GABRA4: variants seen among roughly 807,000 people sequenced by gnomAD.
GABRA4 encodes the protein gamma-aminobutyric acid type A receptor subunit alpha4.
Under a neutral mutation model 49.7 loss-of-function variants are expected in GABRA4, and 12 were observed. The ratio of observed to expected loss-of-function variants is 0.24; its 90% CI spans 0.15 to 0.39. GABRA4 has a LOEUF of 0.39. GABRA4 is among the 10% of genes least tolerant of loss of function. GABRA4 has a pLI of 1.00. For missense variants in GABRA4, 506 were observed against 686.0 expected (o/e 0.74, Z 2.93); for synonymous variants, 288 against 240.2 (o/e 1.20, Z -1.84).
intron 8 of GABRA4, among the ~76,000 whole-genome samples, chr4:46,960,812 A>G (rs1722547658): frequency 6.6e-6 from 1 of 151,786 alleles, no homozygotes; most frequent in African/African-American, 2.4e-5. Flanking sequence ...AAACTCAAGG[A>G]GCTAGAAAAG....
At chr4:46,973,920 G>C (rs1336086151) in intron 6 of GABRA4, among the ~76,000 whole-genome samples, 2 of 151,638 alleles carry the variant, frequency 1.3e-5, no homozygotes, top group Non-Finnish European at 3.0e-5. Flanking sequence ...ACAAAGCAAA[G>C]ACAAAAAACA....
intron 2 of GABRA4, among the ~76,000 whole-genome samples, chr4:46,991,122 G>T (rs926952335): frequency 6.6e-6 from 1 of 152,114 alleles, no homozygotes; most frequent in African/African-American, 2.4e-5. Flanking sequence ...GGAGCCAGGG[G>T]TTGCAGTGAG....
At chr4:46,940,568 T>C (rs1477144695) in intron 8 of GABRA4, among the ~76,000 whole-genome samples, 2 of 152,100 alleles carry the variant, frequency 1.3e-5, no homozygotes, top group Non-Finnish European at 2.9e-5. Flanking sequence ...CCAATGGAAG[T>C]AGTCAATTGG....
intron 8 of GABRA4, among the ~76,000 whole-genome samples, chr4:46,938,544 A>C (rs544223082): frequency 3.3e-5 from 5 of 152,120 alleles, no homozygotes; most frequent in Non-Finnish European, 7.4e-5. Context: ...AATCATAGCT[A>C]TGCAAGGTGA....
chr4:46,980,835 T>C (rs1723332429), intron 2 of GABRA4, among the ~76,000 whole-genome samples: 1 of 152,102 alleles, frequency 6.6e-6, no homozygotes, highest in Non-Finnish European at 1.5e-5. Flanking sequence ...AACAAATCAC[T>C]GTGTTAGTTT....
intron 3 of GABRA4, among the ~76,000 whole-genome samples, chr4:46,978,073 A>T (rs948967216): frequency 3.3e-5 from 5 of 152,094 alleles, no homozygotes; most frequent in Non-Finnish European, 5.9e-5. Flanking sequence ...AAAGTTTATT[A>T]AAATGAGTCA....
chr4:46,956,394 T>C (rs1368575821), intron 8 of GABRA4, among the ~76,000 whole-genome samples: 1 of 152,068 alleles, frequency 6.6e-6, no homozygotes, highest in Non-Finnish European at 1.5e-5. Context: ...AGAACAGCAT[T>C]TTTAAGAGGA....
intron 2 of GABRA4, among the ~76,000 whole-genome samples, chr4:46,983,980 C>CA (rs1425319270): frequency 3.3e-5 from 5 of 151,982 alleles, no homozygotes; most frequent in Non-Finnish European, 5.9e-5. Context: ...GAAATATTCC[C>CA]ATCTAATTAA....
chr4:46,975,302 T>G (rs1294627891), intron 5 of GABRA4, among the ~76,000 whole-genome samples: 2 of 152,020 alleles, frequency 1.3e-5, no homozygotes, highest in African/African-American at 2.4e-5. Flanking sequence ...ACTATGAGGC[T>G]TGTGTTGTCA....
intron 8 of GABRA4, among the ~76,000 whole-genome samples, chr4:46,936,645 C>T (rs373689124): frequency 6.6e-6 from 1 of 152,144 alleles, no homozygotes; most frequent in African/African-American, 2.4e-5. Context: ...GCATTGCAAT[C>T]CCAACCTACA....
chr4:46,928,248 C>T lies in GABRA4; in HGVS notation c.1642G>A (p.Glu548Lys). The T allele has an allele frequency of 6.2e-7, 1 of 1,610,770 alleles. No homozygotes were observed. Among genetic ancestry groups the T allele is most frequent in the East Asian group, 2.2e-5 (1 of 44,842 alleles). Residue 548 changes from glutamate (E) to lysine (K), a missense_variant, in exon 9 of 9, where the codon GAG (glutamate) becomes AAG (lysine). Glu to Lys is a moderately conservative substitution (Grantham distance 56, BLOSUM62 1). This residue lies in a region of GABRA4 where 29 missense variants were observed against 25.1 expected (regional missense o/e 1.16). Coordinates refer to ENST00000264318, the MANE Select transcript of GABRA4 (RefSeq NM_000809.4). ...WVVYLSKDTMEKSESLM is the reference protein window; with the variant it reads ...WVVYLSKDTMKKSESLM Reference sequence around the variant, plus strand: ...AATTACATTAGACTTTCTGATTTCTCCATAGTGTCCTTAGATAAATAAACA... The same window carrying T: ...AATTACATTAGACTTTCTGATTTCTTCATAGTGTCCTTAGATAAATAAACA...
intron 8 of GABRA4, 94 bp downstream of exon 8, chr4:46,964,876 A>G (rs1054435491): frequency 4.6e-6 from 6 of 1,305,328 alleles, no homozygotes; most frequent in African/African-American, 1.5e-5. Context: ...ACAAGTTGAT[A>G]TCAGGATTTT....
chr4:46,956,143 A>T (rs1345815204), intron 8 of GABRA4, among the ~76,000 whole-genome samples: 1 of 152,136 alleles, frequency 6.6e-6, no homozygotes, highest in Non-Finnish European at 1.5e-5. Flanking sequence ...TTGCCTAAAG[A>T]GCATTACTAA....
intron 7 of GABRA4, among the ~76,000 whole-genome samples, chr4:46,967,939 A>G (rs1053417858): frequency 6.6e-6 from 1 of 151,650 alleles, no homozygotes; most frequent in African/African-American, 2.4e-5. Flanking sequence ...GTTTTACTAT[A>G]CTGGAATAAT....
chr4:46,965,293 A>G lies in GABRA4; in HGVS notation c.875-64T>C, dbSNP rs543612055. Reference sequence around the variant, plus strand: ...ATCATTTGTATTAAAAAGCACCGCCACCACCAACAAAAACCTAGAAAATCA... The same window carrying G: ...ATCATTTGTATTAAAAAGCACCGCCGCCACCAACAAAAACCTAGAAAATCA... On this transcript the variant is annotated intron_variant, in intron 7 of 8. Coordinates refer to ENST00000264318, the MANE Select transcript of GABRA4 (RefSeq NM_000809.4). 7.7e-4 allele frequency: 1,018 copies of G among 1,315,260 alleles called. 11 individuals carry two copies. In the African/African-American group the frequency reaches 0.014, roughly 19 times the overall value. The allele number at this position is 1,315,260 out of a possible 1,614,324, so 81.5% of individuals were successfully genotyped here.
intron 8 of GABRA4, among the ~76,000 whole-genome samples, chr4:46,938,844 A>T (rs1330078100): frequency 6.6e-6 from 1 of 152,068 alleles, no homozygotes; most frequent in Non-Finnish European, 1.5e-5. Flanking sequence ...TCATTCATTC[A>T]TTCAACTGTT....
Position 46,977,668 on chromosome 4 carries a change from T to A in GABRA4, c.274-38A>T, listed in dbSNP as rs746995794. The A allele has an allele frequency of 2.9e-6, 4 of 1,376,432 alleles. No individual in the cohort carries two copies. The South Asian group carries it at 3.7e-5, about 13-fold the overall frequency. 85.3% of individuals were successfully genotyped at this position (1,376,432 alleles called of 1,614,324 possible). ...TTTTGGAACATATTTAAGTTGCAAA[T>A]GACTACACATAAGTATGTGAAAATA... is the stretch of plus-strand genomic sequence containing the variant. On this transcript the variant is annotated intron_variant, in intron 3 of 8. Coordinates refer to ENST00000264318, the MANE Select transcript of GABRA4 (RefSeq NM_000809.4).
intron 8 of GABRA4, among the ~76,000 whole-genome samples, chr4:46,934,898 A>G (rs573471655): frequency 6.6e-6 from 1 of 152,306 alleles, no homozygotes; most frequent in South Asian, 2.1e-4. Flanking sequence ...TTCAAATGCT[A>G]CCTGAAATCA....
chr4:46,985,877 C>T (rs934298319), intron 2 of GABRA4, among the ~76,000 whole-genome samples: 1 of 151,626 alleles, frequency 6.6e-6, no homozygotes, highest in Non-Finnish European at 1.5e-5. Flanking sequence ...TTCAGCTATG[C>T]CTTCCCACCA....
Sources: gnomAD v4.1 joint callset for allele counts (sites outside exome capture counted in the v4.1 genomes callset) on GRCh38, gnomAD v4.1.1 for gene constraint, gnomAD v4.1.1 regional missense constraint, MANE v1.5 for transcripts, NCBI Gene and HGNC (gene_info 2026-07-23, HGNC 2026-07-21) for gene names.